The following SLC39A10 variants were observed in gnomAD, a reference collection of about 807,000 sequenced individuals.
SLC39A10 encodes the protein solute carrier family 39 member 10.
Under a neutral mutation model 65.1 loss-of-function variants are expected in SLC39A10, and 13 were observed. The observed-to-expected ratio is 0.20, with a 90% CI of 0.13 to 0.32. The LOEUF is 0.32. Ranked by LOEUF, SLC39A10 falls within the 10% of genes least tolerant of loss-of-function variation. The pLI is 1.00. For missense variants in SLC39A10, 831 were observed against 1,018.4 expected (o/e 0.82, Z 2.50); for synonymous variants, 321 against 342.2 (o/e 0.94, Z 0.68).
At position 195,735,208 on chromosome 2, in the gene SLC39A10, C is replaced by G. The variant is rs1692553557; in HGVS notation, c.*167C>G. The G allele has an allele frequency of 3.6e-6, 2 of 553,360 alleles. No homozygotes were observed. The highest frequency in any genetic ancestry group is 2.0e-5 in the African/African-American group (1 of 51,022). 34.3% of individuals were successfully genotyped at this position (553,360 alleles called of 1,614,324 possible). A position where few individuals can be genotyped will look rare whatever the true frequency, so the allele number is the denominator to read the frequency against. ...GAGGCTGGTGCTTAGTACTGTTTTC[C>G]CTGCACGTAGGGGTCTTTTAAAAAT... On this transcript the variant is annotated 3_prime_UTR_variant, in exon 10 of 10. Coordinates refer to ENST00000359634, the MANE Select transcript of SLC39A10 (RefSeq NM_020342.3).
chr2:195,639,872 A>G (rs1688770052), intron 2 of SLC39A10, among the ~76,000 whole-genome samples: 1 of 152,336 alleles, frequency 6.6e-6, no homozygotes, highest in Admixed American at 6.5e-5. Flanking sequence ...ACTGCTCTTA[A>G]TACTTACAGA....
chr2:195,618,390 C>T (rs1688273343), intron 2 of SLC39A10, among the ~76,000 whole-genome samples: 1 of 149,286 alleles, frequency 6.7e-6, no homozygotes. Context: ...AGTTAACTGA[C>T]AGTATTGAGA....
chr2:195,735,113 GC>G lies in SLC39A10; in HGVS notation c.*73del. The G allele has an allele frequency of 6.9e-7, 1 of 1,456,818 alleles. No homozygotes were observed. The highest frequency in any genetic ancestry group is 9.2e-7 in the Non-Finnish European group (1 of 1,092,116). The allele number at this position is 1,456,818 out of a possible 1,614,324, so 90.2% of individuals were successfully genotyped here. ...TTTGCATCTGTTCCTTGTACTGTAT[GC>G]ACATTGCTCAAAGGAAAGTCAGTGG... On this transcript the variant is annotated 3_prime_UTR_variant, in exon 10 of 10. Coordinates refer to ENST00000359634, the MANE Select transcript of SLC39A10 (RefSeq NM_020342.3).
intron 7 of SLC39A10, among the ~76,000 whole-genome samples, 190 bp from the exon 8 acceptor site, chr2:195,718,062 A>G (rs761874351): frequency 6.6e-5 from 10 of 152,204 alleles, no homozygotes; most frequent in Admixed American, 2.6e-4. Context: ...TTGAATAGCT[A>G]TTTCTCTAGT....
chr2:195,734,945 A>AT lies in SLC39A10; in HGVS notation c.2402dup (p.Ile802HisfsTer21). On this transcript the variant is annotated frameshift_variant, in exon 10 of 10. Transcript: ENST00000359634. LOFTEE classifies it high-confidence loss of function. ...AACATGGCTTTTGTCCTGTGGGGCA[A>AT]TTCATCCTTCAGAATTTAGGATTGC... 1 of 1,612,970 alleles carries AT rather than the reference A, an allele frequency of 6.2e-7. No individual in the cohort carries two copies. The highest frequency in any genetic ancestry group is 8.5e-7 in the Non-Finnish European group (1 of 1,179,558).
At chr2:195,636,142 T>C (rs546515631) in intron 2 of SLC39A10, among the ~76,000 whole-genome samples, 196 of 152,324 alleles carry the variant, frequency 1.3e-3, no homozygotes, top group Middle Eastern at 6.8e-3. Context: ...TTATCTGAGA[T>C]AGCTATTAAA....
rs1015018401 is a variant in SLC39A10 at position 195,736,037 on chromosome 2, A to G, written c.*996A>G. On this transcript the variant is annotated 3_prime_UTR_variant, in exon 10 of 10. Coordinates refer to ENST00000359634, the MANE Select transcript of SLC39A10 (RefSeq NM_020342.3). ...AAGAGCACATGTCGTGGCTGGCTAC[A>G]AGGTTGTAAAGCAGAAAATCGAAGT... 10 of 152,576 alleles carry G rather than the reference A, an allele frequency of 6.6e-5. No individual in the cohort carries two copies. The highest frequency in any genetic ancestry group is 3.9e-4 in the Admixed American group (6 of 15,276). 9.5% of individuals were successfully genotyped at this position (152,576 alleles called of 1,614,324 possible). A position where few individuals can be genotyped will look rare whatever the true frequency, so the allele number is the denominator to read the frequency against.
intron 2 of SLC39A10, among the ~76,000 whole-genome samples, chr2:195,683,463 A>G (rs1690409262): frequency 6.6e-6 from 1 of 152,100 alleles, no homozygotes; most frequent in East Asian, 1.9e-4. Flanking sequence ...GAAAGTCATT[A>G]TCTTTCATGT....
At chr2:195,650,208 G>A (rs1689002556) in intron 2 of SLC39A10, among the ~76,000 whole-genome samples, 1 of 150,972 alleles carries the variant, frequency 6.6e-6, no homozygotes, top group Non-Finnish European at 1.5e-5. Context: ...CATGAACCCG[G>A]GAGGCGGAGC....
intron 2 of SLC39A10, 95 bp from the exon 3 acceptor site, chr2:195,683,604 T>G (rs920000335): frequency 3.3e-6 from 3 of 902,962 alleles, no homozygotes; most frequent in Non-Finnish European, 5.1e-6. Flanking sequence ...TATTTGCAAG[T>G]AATATTTAGA....
chr2:195,624,335 C>G (rs1446978290), intron 2 of SLC39A10, among the ~76,000 whole-genome samples: 1 of 142,278 alleles, frequency 7.0e-6, no homozygotes, highest in Admixed American at 7.6e-5. Flanking sequence ...TACCGTGAGC[C>G]GAAATCGTGC....
chr2:195,697,208 T>C (rs533407895), intron 3 of SLC39A10, among the ~76,000 whole-genome samples: 121 of 152,232 alleles, frequency 7.9e-4, no homozygotes, highest in Admixed American at 2.4e-3. Flanking sequence ...TGATTTAAAA[T>C]ATAAGAGAGG....
In SLC39A10 at chr2:195,708,677, A is replaced by G. The variant is rs1691494100; in HGVS notation, c.1408A>G (p.Ser470Gly). ...LPHSQGGHDH[S>G]HQHAHGHGHS... is the part of the protein sequence containing the mutation. ...ATAGTCTCAGGGTGGACATGATCAC[A>G]GTCACCAACATGCACATGGGCATGG... The change falls in exon 5 of 10, where the codon AGT (serine) becomes GGT (glycine). Residue 470 changes from serine to glycine, a missense_variant. Around this residue, in one of 4 missense-constraint regions of SLC39A10, gnomAD observed 230 missense variants for 242.9 expected, o/e 0.95. Transcript: ENST00000359634. The G allele has an allele frequency of 1.2e-6, 2 of 1,604,946 alleles. No individual in the cohort carries two copies. Among genetic ancestry groups the G allele is most frequent in the Admixed American group, 1.7e-5 (1 of 58,662 alleles).
intron 8 of SLC39A10, among the ~76,000 whole-genome samples, chr2:195,727,615 GA>G (rs1189303228): frequency 6.6e-5 from 10 of 152,090 alleles, no homozygotes; most frequent in African/African-American, 2.4e-4. Context: ...ATTTCCCTTT[GA>G]AGAAAGGGTA....
intron 2 of SLC39A10, among the ~76,000 whole-genome samples, chr2:195,636,751 T>C (rs1034728327): frequency 6.6e-6 from 1 of 151,674 alleles, no homozygotes; most frequent in African/African-American, 2.4e-5. Flanking sequence ...AGACTCTGTC[T>C]AAAGAAAAAA....
At chr2:195,733,162 T>G (rs1692481136) in intron 9 of SLC39A10, among the ~76,000 whole-genome samples, 1 of 152,160 alleles carries the variant, frequency 6.6e-6, no homozygotes, top group Admixed American at 6.5e-5. Context: ...AAGTATGAAT[T>G]AAGAATTATG....
intron 8 of SLC39A10, among the ~76,000 whole-genome samples, chr2:195,723,182 ACT>A (rs1357980913): frequency 6.6e-6 from 1 of 152,160 alleles, no homozygotes; most frequent in Non-Finnish European, 1.5e-5. Context: ...GAAATAGCAA[ACT>A]CACATCTCAT....
At chr2:195,662,727 C>A (rs1261410015) in intron 1 of SLC39A10, among the ~76,000 whole-genome samples, 3 of 151,966 alleles carry the variant, frequency 2.0e-5, no homozygotes, top group African/African-American at 7.2e-5. Flanking sequence ...GCTGGATTGG[C>A]ACTTTAAAAA....
At chr2:195,646,367 T>C (rs1411066075) in intron 2 of SLC39A10, among the ~76,000 whole-genome samples, 2 of 152,232 alleles carry the variant, frequency 1.3e-5, no homozygotes, top group Non-Finnish European at 2.9e-5. Flanking sequence ...CTCACATGGG[T>C]TGTCCCTATC....
Sources: allele counts gnomAD v4.1 joint callset (sites outside exome capture counted in the v4.1 genomes callset), GRCh38; gene constraint gnomAD v4.1.1; regional missense constraint gnomAD v4.1.1; transcripts MANE v1.5; gene names NCBI Gene and HGNC (gene_info 2026-07-23, HGNC 2026-07-21).